The following STAC variants were observed in gnomAD, a reference collection of about 807,000 sequenced individuals.
The protein encoded by STAC is SH3 and cysteine rich domain.
Under a neutral mutation model 48.8 loss-of-function variants are expected in STAC, and 43 were observed. That is an observed-to-expected ratio of 0.88 (90% confidence interval 0.69 to 1.14). The LOEUF is 1.14. Ranked by LOEUF, STAC falls within the 50% of genes most tolerant of loss-of-function variation. The probability of loss-of-function intolerance (pLI) is 0.00; values close to 1 mark genes in which losing one functional copy is unlikely to be tolerated. For missense variants in STAC, 497 were observed against 504.0 expected (o/e 0.99, Z 0.13); for synonymous variants, 193 against 179.5 (o/e 1.07, Z -0.60).
At position 36,407,961 on chromosome 3, in the gene STAC, G is replaced by C. The variant is rs370349809; in HGVS notation, c.111+27207G>C. 9.2e-5 allele frequency among the ~76,000 whole-genome samples: 14 copies of C among 152,338 alleles called. No individual in the cohort carries two copies. In the East Asian group the frequency reaches 1.4e-3, roughly 15 times the overall value. ...TGGAAGAATTCACTTCCTTGCAGCT[G>C]TATGTCTGAGGTCCCAGTTTTCATG... On this transcript the variant is annotated intron_variant, in intron 1 of 10. Coordinates refer to ENST00000273183, the MANE Select transcript of STAC (RefSeq NM_003149.3).
chr3:36,432,934 G>A (rs1047716136), intron 1 of STAC, among the ~76,000 whole-genome samples: 1 of 152,128 alleles, frequency 6.6e-6, no homozygotes, highest in Non-Finnish European at 1.5e-5. Flanking sequence ...GATAGAGCCT[G>A]GTGTATAATA....
rs144652780 is a variant in STAC, at chr3:36,491,170, A to G, written c.688-1981A>G. On this transcript the variant is annotated intron_variant, in intron 5 of 10. Coordinates refer to ENST00000273183, the MANE Select transcript of STAC (RefSeq NM_003149.3). ...ATCCTGCATTTTTTATTTTATTTTT[A>G]GTATTCTTATGTCCTAAAGTTAACA... Among the ~76,000 whole-genome samples, 46 of 151,354 alleles carry G rather than the reference A, an allele frequency of 3.0e-4. No individual in the cohort carries two copies. In the East Asian group the frequency reaches 8.7e-3, roughly 29 times the overall value.
intron 10 of STAC, among the ~76,000 whole-genome samples, chr3:36,533,646 C>A (rs180786422): frequency 2.0e-5 from 3 of 151,990 alleles, no homozygotes; most frequent in Non-Finnish European, 4.4e-5. Context: ...TGACTCCCAC[C>A]AATTCCTTGG....
At chr3:36,429,436 C>T (rs1052201912) in intron 1 of STAC, among the ~76,000 whole-genome samples, 1 of 152,180 alleles carries the variant, frequency 6.6e-6, no homozygotes, top group Non-Finnish European at 1.5e-5. Context: ...CCATCTAGGC[C>T]TTGTCCACTG....
chr3:36,467,447 A>G (rs952620486), intron 2 of STAC, among the ~76,000 whole-genome samples: 1 of 152,130 alleles, frequency 6.6e-6, no homozygotes, highest in Non-Finnish European at 1.5e-5. Flanking sequence ...TCTCTGATAG[A>G]ATTCAGCTAT....
chr3:36,467,211 A>G (rs1697202177), intron 2 of STAC, among the ~76,000 whole-genome samples: 1 of 151,960 alleles, frequency 6.6e-6, no homozygotes, highest in Non-Finnish European at 1.5e-5. Flanking sequence ...ATCATGGTAA[A>G]TTATCTTTTT....
chr3:36,391,210 C>A (rs1163415039), intron 1 of STAC, among the ~76,000 whole-genome samples: 1 of 152,176 alleles, frequency 6.6e-6, no homozygotes, highest in Non-Finnish European at 1.5e-5. Flanking sequence ...CTCCCTCTTT[C>A]AATCTCTCAC....
Position 36,486,216 on chromosome 3 carries a change from C to T in STAC, c.654C>T (p.Ser218=), listed in dbSNP as rs138959225. 1.8e-4 allele frequency: 290 copies of T among 1,613,810 alleles called. No homozygotes were observed. Among genetic ancestry groups the T allele is most frequent in the Non-Finnish European group, 2.3e-4 (267 of 1,179,920 alleles). The part of the protein sequence containing the change: ...SLAQRTKKGS[S]GSGSDSPHRT... ...CCCAGAGGACAAAGAAGGGCAGCTC[C>T]GGCAGTGGCTCTGACTCACCTCACA... Residue 218 remains serine, a synonymous_variant, in exon 5 of 11, where the codon TCC becomes TCT. Transcript: ENST00000273183.
intron 2 of STAC, among the ~76,000 whole-genome samples, chr3:36,476,916 G>A (rs1403272735): frequency 6.7e-6 from 1 of 149,190 alleles, no homozygotes; most frequent in East Asian, 1.9e-4. Context: ...CCTCCTCTCC[G>A]AGCCATGCCC....
chr3:36,432,280 A>G (rs568159776), intron 1 of STAC, among the ~76,000 whole-genome samples: 3 of 152,262 alleles, frequency 2.0e-5, no homozygotes, highest in African/African-American at 7.2e-5. Flanking sequence ...ACTTTCCTAC[A>G]CTCACACTGC....
intron 1 of STAC, among the ~76,000 whole-genome samples, chr3:36,396,405 T>C (rs145612765): frequency 1.6e-4 from 25 of 152,320 alleles, no homozygotes; most frequent in African/African-American, 6.0e-4. Flanking sequence ...AGATTTATGG[T>C]TGAAAAATGC....
At chr3:36,484,522 G>A (rs1697747978) in intron 3 of STAC, among the ~76,000 whole-genome samples, 1 of 152,184 alleles carries the variant, frequency 6.6e-6, no homozygotes, top group African/African-American at 2.4e-5. Flanking sequence ...AAATGATTCT[G>A]GCTAAAGCTC....
At chr3:36,492,031 A>AAATATAT (rs1553639882) in intron 5 of STAC, among the ~76,000 whole-genome samples, 1 of 16,438 alleles carries the variant, frequency 6.1e-5, no homozygotes, top group Non-Finnish European at 1.2e-4. Flanking sequence ...AAAAAAAAAA[A>AAATATAT]ATATATATAT....
intron 1 of STAC, among the ~76,000 whole-genome samples, chr3:36,387,644 A>G (rs926348417): frequency 1.3e-5 from 2 of 152,096 alleles, no homozygotes; most frequent in Non-Finnish European, 2.9e-5. Flanking sequence ...CAGCTCATCT[A>G]TGTTGTGGCA....
chr3:36,459,577 T>C (rs775642800), intron 2 of STAC, among the ~76,000 whole-genome samples: 8 of 152,250 alleles, frequency 5.3e-5, no homozygotes, highest in Non-Finnish European at 1.2e-4. Flanking sequence ...TTGTCTCTCT[T>C]TTAATGAACT....
chr3:36,381,278 T>C (rs1188538678), intron 1 of STAC, among the ~76,000 whole-genome samples: 1 of 152,248 alleles, frequency 6.6e-6, no homozygotes, highest in African/African-American at 2.4e-5. Context: ...TGTCTGAAAG[T>C]TGATGTTCCT....
intron 8 of STAC, among the ~76,000 whole-genome samples, chr3:36,510,198 A>G (rs1698501529): frequency 6.6e-6 from 1 of 152,222 alleles, no homozygotes; most frequent in Admixed American, 6.5e-5. Flanking sequence ...CAAACATGTG[A>G]AAAAAAGATC....
intron 1 of STAC, among the ~76,000 whole-genome samples, chr3:36,440,739 T>A (rs914518911): frequency 1.3e-5 from 2 of 152,198 alleles, no homozygotes; most frequent in African/African-American, 4.8e-5. Flanking sequence ...AGTCTTTTTG[T>A]AGTCTACCCC....
At chr3:36,459,326 AC>A (rs1318746033) in intron 2 of STAC, 1 of 152,188 alleles carries the variant, frequency 6.6e-6, no homozygotes, top group African/African-American at 2.4e-5. Context: ...CAATAGTTCT[AC>A]CTCAGGAGGA....
Sources: allele counts gnomAD v4.1 joint callset (sites outside exome capture counted in the v4.1 genomes callset), GRCh38; gene constraint gnomAD v4.1.1; transcripts MANE v1.5; gene names NCBI Gene and HGNC (gene_info 2026-07-23, HGNC 2026-07-21).